C16orf74: variants seen among roughly 807,000 people sequenced by gnomAD.
The protein encoded by C16orf74 is calcimembrin, also known as uncharacterized protein C16orf74.
Under a neutral mutation model 6.5 loss-of-function variants are expected in C16orf74, and 10 were observed. That is an observed-to-expected ratio of 1.54 (90% CI 0.95 to 2.61). The LOEUF (loss-of-function observed/expected upper bound fraction) is 2.61. Ranked by LOEUF, C16orf74 falls within the 30% of genes most tolerant of loss-of-function variation. The pLI is 0.00. For missense variants in C16orf74, 141 were observed against 105.9 expected (o/e 1.33, Z -1.45); for synonymous variants, 60 against 42.5 (o/e 1.41, Z -1.60).
rs752036541 is a variant in C16orf74 at position 85,710,205 on chromosome 16, G to A, written c.131C>T (p.Thr44Ile). The stretch of plus-strand genomic sequence containing the variant: ...CCTCGGCAGCATCATGCCCGTGGGG[G>A]TGGGGGGCGTGATGATGATGTCGGG... ...DVPDIIITPP[T>I]PTGMMLPRDL... The change falls in exon 3 of 4, where the codon ACC (threonine) becomes ATC (isoleucine). Residue 44 changes from threonine to isoleucine, a missense_variant. Transcript: ENST00000284245. 3 of 1,496,774 alleles carry A rather than the reference G, an allele frequency of 2.0e-6. No homozygotes were observed. Among genetic ancestry groups the A allele is most frequent in the Non-Finnish European group, 2.6e-6 (3 of 1,134,666 alleles). The allele number at this position is 1,496,774 out of a possible 1,614,324, so 92.7% of individuals were successfully genotyped here.
intron 2 of C16orf74, among the ~76,000 whole-genome samples, chr16:85,726,849 C>T (rs2054138858): frequency 2.0e-5 from 3 of 152,274 alleles, no homozygotes; most frequent in South Asian, 4.1e-4. Flanking sequence ...ACCATGCACG[C>T]CAGGCTGCTG....
chr16:85,745,903 G>C (rs2152067073), intron 1 of C16orf74, among the ~76,000 whole-genome samples: 1 of 152,204 alleles, frequency 6.6e-6, no homozygotes, highest in East Asian at 1.9e-4. Context: ...CAGAAGTTCA[G>C]CTCTAGGCTA....
intron 2 of C16orf74, among the ~76,000 whole-genome samples, chr16:85,729,646 C>G (rs116831625): frequency 0.037 from 5,625 of 152,274 alleles, 257 homozygotes; most frequent in Admixed American, 0.15. Context: ...AGTTAAGGAT[C>G]TCATGATGAG....
At chr16:85,716,446 G>T (rs2152058845) in intron 2 of C16orf74, among the ~76,000 whole-genome samples, 1 of 143,034 alleles carries the variant, frequency 7.0e-6, no homozygotes, top group African/African-American at 2.6e-5. Flanking sequence ...AGGAGGAAGG[G>T]AAGGAAGAGA....
At chr16:85,743,405 G>A (rs2054331880) in intron 1 of C16orf74, 1 of 152,162 alleles carries the variant, frequency 6.6e-6, no homozygotes, top group Admixed American at 6.5e-5. Context: ...AATGCCCTAA[G>A]AGATAAACAT....
At chr16:85,709,430 G>C (rs1245388586) in intron 3 of C16orf74, among the ~76,000 whole-genome samples, 1 of 151,924 alleles carries the variant, frequency 6.6e-6, no homozygotes, top group Non-Finnish European at 1.5e-5. Flanking sequence ...ATTCCTGTAA[G>C]AACTAAATAA....
chr16:85,727,893 C>A (rs2054149935), intron 2 of C16orf74, among the ~76,000 whole-genome samples: 1 of 150,968 alleles, frequency 6.6e-6, no homozygotes, highest in African/African-American at 2.4e-5. Flanking sequence ...AATCCTAGCA[C>A]CTTGGGAGGT....
chr16:85,720,853 C>T (rs538305105), intron 2 of C16orf74, among the ~76,000 whole-genome samples: 2 of 151,214 alleles, frequency 1.3e-5, no homozygotes, highest in Non-Finnish European at 2.9e-5. Flanking sequence ...TTTGGGAGGC[C>T]GAGGCGGGTG....
chr16:85,724,909 A>C (rs112429591), intron 2 of C16orf74, among the ~76,000 whole-genome samples: 1,560 of 152,304 alleles, frequency 0.01, 26 homozygotes, highest in African/African-American at 0.035. Context: ...CTTGGGAACT[A>C]TCACCCGAAT....
intron 1 of C16orf74, among the ~76,000 whole-genome samples, chr16:85,739,994 G>A (rs141578943): frequency 0.022 from 3,312 of 151,148 alleles, 115 homozygotes; most frequent in African/African-American, 0.076. Flanking sequence ...TGGATCGCCT[G>A]AGGTCAGGAG....
At chr16:85,709,040 G>C (rs1443251031) in intron 3 of C16orf74, among the ~76,000 whole-genome samples, 1 of 152,244 alleles carries the variant, frequency 6.6e-6, no homozygotes, top group Non-Finnish European at 1.5e-5. Flanking sequence ...AAGTGTCTCA[G>C]CCTCTCTCAA....
At chr16:85,719,803 G>A (rs1419381003) in intron 2 of C16orf74, among the ~76,000 whole-genome samples, 2 of 150,608 alleles carry the variant, frequency 1.3e-5, no homozygotes, top group East Asian at 3.9e-4. Context: ...ACAGGCCACA[G>A]CACACACAAA....
chr16:85,738,623 G>T (rs942426253), intron 1 of C16orf74, among the ~76,000 whole-genome samples: 1 of 151,862 alleles, frequency 6.6e-6, no homozygotes, highest in Admixed American at 6.6e-5. Context: ...GAGCCACCGC[G>T]CCGGGCCCGG....
At chr16:85,746,668 T>G (rs550283801) in intron 1 of C16orf74, among the ~76,000 whole-genome samples, 9 of 152,254 alleles carry the variant, frequency 5.9e-5, no homozygotes, top group African/African-American at 2.2e-4. Context: ...AGAATGTGAC[T>G]GTTTGCCAGG....
intron 2 of C16orf74, among the ~76,000 whole-genome samples, chr16:85,718,992 A>G (rs1242739579): frequency 6.6e-6 from 1 of 152,164 alleles, no homozygotes; most frequent in Non-Finnish European, 1.5e-5. Context: ...TTGGGGCACA[A>G]TTTTCCCTTA....
rs1255970869 is a variant in C16orf74, at chr16:85,707,528, G to A, written c.*480C>T. ...AAAAGGATTCACTATTTGTTACAGAGGATCTTTATTTATAATGCAAAAAAG... is the reference window on the plus strand; with the variant it reads ...AAAAGGATTCACTATTTGTTACAGAAGATCTTTATTTATAATGCAAAAAAG... On this transcript the variant is annotated 3_prime_UTR_variant, in exon 4 of 4. Coordinates refer to ENST00000284245, the MANE Select transcript of C16orf74 (RefSeq NM_206967.3). 1 of 152,884 alleles carries A rather than the reference G, an allele frequency of 6.5e-6. No homozygotes were observed. The highest frequency in any genetic ancestry group is 1.5e-5 in the Non-Finnish European group (1 of 68,838). The allele number at this position is 152,884 out of a possible 1,614,324, so 9.5% of individuals were successfully genotyped here. A position where few individuals can be genotyped will look rare whatever the true frequency, so the allele number is the denominator to read the frequency against.
In C16orf74 at chr16:85,714,405, T is replaced by A. The variant is rs113517534; in HGVS notation, c.29-4098A>T. Among the ~76,000 whole-genome samples, 277 of 37,762 alleles carry A rather than the reference T, an allele frequency of 7.3e-3. 1 individual carries two copies. Among genetic ancestry groups the A allele is most frequent in the African/African-American group, 0.017 (223 of 12,950 alleles). 24.8% of individuals were successfully genotyped at this position (37,762 alleles called of 152,430 possible). A position where few individuals can be genotyped will look rare whatever the true frequency, so the allele number is the denominator to read the frequency against. Reference sequence around the variant, plus strand: ...TATTTATTTATTTATTTATTTATTATTTATTTATTTATTTATTTATTTATT... The same window carrying A: ...TATTTATTTATTTATTTATTTATTAATTATTTATTTATTTATTTATTTATT... On this transcript the variant is annotated intron_variant, in intron 2 of 3. Transcript: ENST00000284245.
rs887789366 is a variant in C16orf74, at chr16:85,707,785, T to G, written c.*223A>C. On this transcript the variant is annotated 3_prime_UTR_variant, in exon 4 of 4. Transcript: ENST00000284245. The stretch of plus-strand genomic sequence containing the variant: ...GCCGGAGTCAGCAAGAACCTGGAGG[T>G]GTCAGAGGTCCGGTCCACTCAGCGG... The G allele has an allele frequency of 1.8e-6, 1 of 556,562 alleles. No homozygotes were observed. Among genetic ancestry groups the G allele is most frequent in the African/African-American group, 1.9e-5 (1 of 51,688 alleles). 34.5% of individuals were successfully genotyped at this position (556,562 alleles called of 1,614,324 possible). A position where few individuals can be genotyped will look rare whatever the true frequency, so the allele number is the denominator to read the frequency against.
At chr16:85,736,929 G>A (rs567308366) in intron 1 of C16orf74, among the ~76,000 whole-genome samples, 56 of 152,180 alleles carry the variant, frequency 3.7e-4, no homozygotes, top group African/African-American at 9.6e-4. Context: ...TTGTAATACC[G>A]GCTACTCAGG....
Sources: allele counts gnomAD v4.1 joint callset (sites outside exome capture counted in the v4.1 genomes callset), GRCh38; gene constraint gnomAD v4.1.1; transcripts MANE v1.5; gene names NCBI Gene and HGNC (gene_info 2026-07-23, HGNC 2026-07-21).